The following GFI1B variants were observed in gnomAD, a reference collection of about 807,000 sequenced individuals.
GFI1B encodes growth factor independent 1B transcriptional repressor.
Under a neutral mutation model 35.3 loss-of-function variants are expected in GFI1B, and 20 were observed. That is an observed-to-expected ratio of 0.57 (90% confidence interval 0.40 to 0.82). GFI1B has a LOEUF of 0.82. GFI1B is among the 40% of genes least tolerant of loss of function. The pLI, the probability that GFI1B is intolerant of heterozygous loss-of-function variation, is 0.00. For synonymous variants in GFI1B, 178 were observed against 177.6 expected, an observed-to-expected ratio of 1.00 and a Z score of -0.02; for missense variants, 430 against 446.3, an observed-to-expected ratio of 0.96 and a Z score of 0.33.
Position 132,991,072 on chromosome 9 carries a change from C to A in GFI1B, c.*22C>A. On this transcript the variant is annotated 3_prime_UTR_variant, in exon 7 of 7. Transcript: ENST00000372122. The stretch of plus-strand genomic sequence containing the variant: ...GTGAGGCTGCGCCGGCTCCCAGCTC[C>A]TGGCCAGCCTGCCCTGCGGTCCTGT... The A allele has an allele frequency of 6.2e-7, 1 of 1,608,330 alleles. No homozygotes were observed. The highest frequency in any genetic ancestry group is 8.5e-7 in the Non-Finnish European group (1 of 1,177,882).
intron 1 of GFI1B, among the ~76,000 whole-genome samples, chr9:132,970,320 C>A (rs1848514056): frequency 6.6e-6 from 1 of 152,068 alleles, no homozygotes; most frequent in Admixed American, 6.5e-5. Context: ...GCTGAACCTG[C>A]CCAGACACCA....
At chr9:132,974,023 A>T (rs1216985863), upstream of GFI1B, among the ~76,000 whole-genome samples, 1 of 152,178 alleles carries the variant, frequency 6.6e-6, no homozygotes, top group African/African-American at 2.4e-5. Flanking sequence ...CTCTCTTTCC[A>T]CTGGGGTTCC....
intron 1 of GFI1B, among the ~76,000 whole-genome samples, chr9:132,986,294 T>C (rs1849057786): frequency 6.6e-6 from 1 of 152,052 alleles, no homozygotes; most frequent in African/African-American, 2.4e-5. Context: ...TTCTGGCGGC[T>C]GTCGGCACTG....
intron 1 of GFI1B, among the ~76,000 whole-genome samples, chr9:132,958,916 A>G (rs1452786286): frequency 6.6e-6 from 1 of 152,198 alleles, no homozygotes; most frequent in African/African-American, 2.4e-5. Flanking sequence ...AGAACTGGCC[A>G]TGGCAGCTGA....
chr9:132,961,234 C>CA (rs1008159553), intron 1 of GFI1B, among the ~76,000 whole-genome samples: 6 of 152,068 alleles, frequency 3.9e-5, no homozygotes, highest in African/African-American at 1.2e-4. Context: ...TAGGCGACCT[C>CA]AAAAAACCAA....
chr9:132,947,368 A>G (rs1444155912), intron 1 of GFI1B: 1 of 151,580 alleles, frequency 6.6e-6, no homozygotes, highest in Admixed American at 6.6e-5. Flanking sequence ...GAGCTTGTTA[A>G]AAGAAAGCTT....
chr9:132,954,749 C>T (rs1267857302), intron 1 of GFI1B, among the ~76,000 whole-genome samples: 1 of 150,874 alleles, frequency 6.6e-6, no homozygotes, highest in Non-Finnish European at 1.5e-5. Flanking sequence ...GATGGAGTCT[C>T]ACTCTGTTGC....
rs142402098 is a variant in GFI1B at position 132,991,484 on chromosome 9, G to A, written c.*434G>A. The A allele has an allele frequency of 9.6e-4, 187 of 194,516 alleles. 2 individuals are homozygous for A. In the Middle Eastern group the frequency reaches 0.011, roughly 11 times the overall value. 12.0% of individuals were successfully genotyped at this position (194,516 alleles called of 1,614,324 possible). On this transcript the variant is annotated 3_prime_UTR_variant, in exon 7 of 7. Coordinates refer to ENST00000372122, the MANE Select transcript of GFI1B (RefSeq NM_001377304.1). ...CTTTCTGGCTATAACAGGCAGAGTC[G>A]GAGCTGCCTCCCACCCCAGTCAGAA...
chr9:132,959,710 G>T (rs532087127), intron 1 of GFI1B, among the ~76,000 whole-genome samples: 4 of 152,306 alleles, frequency 2.6e-5, no homozygotes, highest in Admixed American at 6.5e-5. Flanking sequence ...CCCTCTGAAG[G>T]TTCCGAGGGA....
chr9:132,956,719 T>C (rs1217697765), intron 1 of GFI1B, among the ~76,000 whole-genome samples: 1 of 152,234 alleles, frequency 6.6e-6, no homozygotes, highest in Non-Finnish European at 1.5e-5. Flanking sequence ...TGTAGAGTTA[T>C]TAGAAACATA....
chr9:132,988,344 C>A lies in GFI1B; in HGVS notation c.386C>A (p.Ala129Asp). 6.2e-7 allele frequency: 1 copy of A among 1,614,176 alleles called. No homozygotes were observed. The highest frequency in any genetic ancestry group is 8.5e-7 in the Non-Finnish European group (1 of 1,180,006). The part of the protein sequence containing the change: ...YRQAPSTMQS[A>D]FLEHSVSLYG... ...CAGGCCCCCTCCACCATGCAGTCAG[C>A]CTTCCTGGAGCACTCCGTCAGCCTG... Residue 129 changes from alanine to aspartate, a missense_variant, in exon 4 of 7, where the codon GCC becomes GAC. Coordinates refer to ENST00000372122, the MANE Select transcript of GFI1B (RefSeq NM_001377304.1).
chr9:132,968,267 C>A (rs1848481084), intron 1 of GFI1B, among the ~76,000 whole-genome samples: 1 of 151,968 alleles, frequency 6.6e-6, no homozygotes, highest in Non-Finnish European at 1.5e-5. Flanking sequence ...ATGCATGCCA[C>A]CACACCTGGC....
chr9:132,981,018 C>A (rs2132625422), intron 1 of GFI1B, among the ~76,000 whole-genome samples: 1 of 152,308 alleles, frequency 6.6e-6, no homozygotes, highest in East Asian at 1.9e-4. Flanking sequence ...GCCTCAGCCT[C>A]CTGGGTAGCT....
intron 1 of GFI1B, chr9:132,946,998 C>T (rs1393237569): frequency 6.6e-6 from 1 of 152,478 alleles, no homozygotes; most frequent in Non-Finnish European, 1.5e-5. Context: ...TGCCACTTAC[C>T]AGGCTGGGCC....
In GFI1B at chr9:132,958,371, A is replaced by G. The variant is rs139221476; in HGVS notation, c.-701+12702A>G. 2.4e-4 allele frequency among the ~76,000 whole-genome samples: 37 copies of G among 152,320 alleles called. 1 individual carries two copies. The East Asian group carries it at 6.0e-3, about 25-fold the overall frequency. On this transcript the variant is annotated intron_variant, in intron 1 of 10. Transcript: ENST00000339463. ...GGCTCACAGTTCTGCAGGTTGTACA[A>G]GAACCATAGCGGCATCTGCTTCTGA...
upstream of GFI1B, among the ~76,000 whole-genome samples, chr9:132,973,931 A>AGAGGCCCATATCCCACCCCC (rs1339139050): frequency 6.6e-6 from 1 of 152,100 alleles, no homozygotes. Context: ...GGGCACAATG[A>AGAGGCCCATATCCCACCCCC]TTGGTGCTGG....
At chr9:132,969,498 C>A (rs559454645) in intron 1 of GFI1B, among the ~76,000 whole-genome samples, 1 of 152,198 alleles carries the variant, frequency 6.6e-6, no homozygotes, top group African/African-American at 2.4e-5. Flanking sequence ...AATACTCCGT[C>A]GTATGGACCA....
Position 132,989,761 on chromosome 9 carries a change from G to C in GFI1B, c.668G>C (p.Arg223Pro). The C allele has an allele frequency of 6.2e-7, 1 of 1,614,006 alleles. No homozygotes were observed. The highest frequency in any genetic ancestry group is 8.5e-7 in the Non-Finnish European group (1 of 1,179,864). ...CGGCAGGAGCGCAGCTTCGAGTGCC[G>C]CATGTGCGGCAAGGCCTTCAAGCGC... ...VHSQERSFEC[R>P]MCGKAFKRSS... Residue 223 changes from arginine to proline, a missense_variant, in exon 6 of 7, where the codon CGC becomes CCC. Transcript: ENST00000372122. The surrounding 1 kb of genome is among the most constrained non-coding windows in gnomAD (Gnocchi z 6.2).
rs1296966844 is a variant in GFI1B, at chr9:132,989,705, T to C, written c.649-37T>C. The C allele has an allele frequency of 2.5e-6, 4 of 1,593,386 alleles. No individual in the cohort carries two copies. Among genetic ancestry groups the C allele is most frequent in the Non-Finnish European group, 3.4e-6 (4 of 1,163,116 alleles). ...TCCCGGCCGGGTCCAGTCCTGAGCC[T>C]GCACCTGACCCCCCGGGGCCTCATT... On this transcript the variant is annotated intron_variant, in intron 5 of 6. Coordinates refer to ENST00000372122, the MANE Select transcript of GFI1B (RefSeq NM_001377304.1). The surrounding 1 kb of genome is among the most constrained non-coding windows in gnomAD (Gnocchi z 6.2).
Sources: gnomAD v4.1 joint callset for allele counts (sites outside exome capture counted in the v4.1 genomes callset) on GRCh38, gnomAD v4.1.1 for gene constraint, Gnocchi (gnomAD v3.1) non-coding constraint, MANE v1.5 for transcripts, NCBI Gene and HGNC (gene_info 2026-07-23, HGNC 2026-07-21) for gene names.